The following SUZ12 variants were observed in gnomAD, a reference collection of about 807,000 sequenced individuals.
The protein encoded by SUZ12 is SUZ12 polycomb repressive complex 2 subunit.
A neutral mutation model predicts 87.3 loss-of-function variants in SUZ12; 17 were observed. The ratio of observed to expected loss-of-function variants is 0.19; its 90% CI spans 0.13 to 0.29. The LOEUF (loss-of-function observed/expected upper bound fraction) is 0.29. Ranked by LOEUF, SUZ12 falls within the 10% of genes least tolerant of loss-of-function variation. The probability of loss-of-function intolerance (pLI) is 1.00; values close to 1 mark genes in which losing one functional copy is unlikely to be tolerated. For synonymous variants in SUZ12, 253 were observed against 312.4 expected (o/e 0.81, Z 2.01); for missense variants, 526 against 912.2 (o/e 0.58, Z 5.45).
At chr17:31,974,316 C>T (rs1387491085) in intron 6 of SUZ12, among the ~76,000 whole-genome samples, 2 of 152,132 alleles carry the variant, frequency 1.3e-5, no homozygotes, top group Non-Finnish European at 2.9e-5. Flanking sequence ...GGGCAGATCA[C>T]GAGGTCAGGA....
At chr17:31,950,348 G>C (rs1357969434) in intron 4 of SUZ12, among the ~76,000 whole-genome samples, 1 of 152,184 alleles carries the variant, frequency 6.6e-6, no homozygotes, top group Non-Finnish European at 1.5e-5. Context: ...TATGATGCCA[G>C]CAATATAAAT....
intron 3 of SUZ12, among the ~76,000 whole-genome samples, chr17:31,946,690 G>C (rs1438586388): frequency 6.6e-6 from 1 of 152,176 alleles, no homozygotes; most frequent in Non-Finnish European, 1.5e-5. Context: ...GACTATATGA[G>C]TATAAAGAGA....
Position 31,998,913 on chromosome 17 carries a change from T to G in SUZ12, c.2130T>G (p.Asn710Lys). ...EITEEQNGTA[N>K]GFSEINSKEK... ...CTGAAGAACAAAATGGGACAGCAAA[T>G]GGATTTAGTGAAATTAACTCAAAAG... The change falls in exon 16 of 16, where the codon AAT becomes AAG. Residue 710 changes from asparagine to lysine, a missense_variant. Physicochemically the swap from Asn to Lys is moderately conservative, Grantham distance 94 (BLOSUM62 0). Transcript: ENST00000322652. 1 of 1,612,890 alleles carries G rather than the reference T, an allele frequency of 6.2e-7. No homozygotes were observed. The highest frequency in any genetic ancestry group is 2.2e-5 in the East Asian group (1 of 44,842).
intron 4 of SUZ12, among the ~76,000 whole-genome samples, chr17:31,950,818 C>T (rs1194828058): frequency 2.0e-5 from 3 of 151,742 alleles, no homozygotes; most frequent in Non-Finnish European, 4.4e-5. Flanking sequence ...CTCGCTCTGT[C>T]ACCGAGGCTG....
intron 4 of SUZ12, among the ~76,000 whole-genome samples, chr17:31,954,001 C>T (rs971641188): frequency 1.3e-4 from 19 of 150,328 alleles, no homozygotes; most frequent in South Asian, 2.1e-4. Flanking sequence ...TGTGAGCCAC[C>T]GAGCCCGGCT....
chr17:31,942,327 TTTTTG>T (rs1256379496), intron 3 of SUZ12, among the ~76,000 whole-genome samples: 5 of 152,010 alleles, frequency 3.3e-5, no homozygotes, highest in Admixed American at 2.6e-4. Flanking sequence ...TTTGGTTTTT[TTTTTG>T]TTTTGTTTTT....
chr17:31,967,775 A>C lies in SUZ12; in HGVS notation c.505+1579A>C, dbSNP rs1223433561. On this transcript the variant is annotated intron_variant, in intron 5 of 15. Coordinates refer to ENST00000322652, the MANE Select transcript of SUZ12 (RefSeq NM_015355.4). ...TAGGTACTTGGAAGTCCAAGATGGC[A>C]GGATGGCGTAAGCTCAGGAATTCAA... Among the ~76,000 whole-genome samples, 3 of 152,166 alleles carry C rather than the reference A, an allele frequency of 2.0e-5. No individual in the cohort carries two copies. In the East Asian group the frequency reaches 5.8e-4, roughly 29 times the overall value.
At chr17:31,976,951 C>T (rs568431720) in intron 8 of SUZ12, among the ~76,000 whole-genome samples, 1 of 152,126 alleles carries the variant, frequency 6.6e-6, no homozygotes, top group African/African-American at 2.4e-5. Context: ...CAGACCACCA[C>T]CCAAAAAATC....
intron 4 of SUZ12, among the ~76,000 whole-genome samples, chr17:31,953,716 T>C (rs1330799342): frequency 6.7e-6 from 1 of 149,808 alleles, no homozygotes; most frequent in African/African-American, 2.5e-5. Context: ...CCTCAATTTT[T>C]TTTTTTTTTT....
intron 10 of SUZ12, 53 bp downstream of exon 10, chr17:31,988,550 C>T (rs917670142): frequency 7.6e-6 from 11 of 1,446,218 alleles, no homozygotes; most frequent in Middle Eastern, 1.8e-4. Context: ...AGAGTTAGGT[C>T]TTGTGCTTTA....
chr17:31,947,476 T>C, intron 3 of SUZ12, 141 bp from the exon 4 acceptor site: 6 of 1,129,612 alleles, frequency 5.3e-6, no homozygotes, highest in South Asian at 4.4e-5. Flanking sequence ...TATTCATTGT[T>C]ATGGCTAATC....
chr17:31,975,979 CTCTTT>C (rs1455011164), intron 7 of SUZ12, among the ~76,000 whole-genome samples: 2 of 152,164 alleles, frequency 1.3e-5, no homozygotes, highest in Non-Finnish European at 2.9e-5. Flanking sequence ...CTGCCCATCC[CTCTTT>C]TCTTCCAACA....
chr17:31,950,905 C>T (rs1437639071), intron 4 of SUZ12, among the ~76,000 whole-genome samples: 7 of 152,038 alleles, frequency 4.6e-5, no homozygotes, highest in Admixed American at 1.3e-4. Context: ...CTCAGCCTCC[C>T]GAGTAGCTGG....
chr17:31,960,163 A>C (rs1439905125), intron 4 of SUZ12, among the ~76,000 whole-genome samples: 1 of 151,966 alleles, frequency 6.6e-6, no homozygotes, highest in Non-Finnish European at 1.5e-5. Context: ...GGAACAAACC[A>C]CCTATGGAAG....
chr17:31,999,942 T>C lies in SUZ12; in HGVS notation c.*939T>C, dbSNP rs963834731. ...AACCAGAAAACTGTTATGCCTTTTATTTGTTTGCAAGGATGTCTTTGTAAT... is the reference window on the plus strand; with the variant it reads ...AACCAGAAAACTGTTATGCCTTTTACTTGTTTGCAAGGATGTCTTTGTAAT... On this transcript the variant is annotated 3_prime_UTR_variant, in exon 16 of 16. Coordinates refer to ENST00000322652, the MANE Select transcript of SUZ12 (RefSeq NM_015355.4). The C allele has an allele frequency of 4.3e-6, 1 of 232,698 alleles. No individual in the cohort carries two copies. The highest frequency in any genetic ancestry group is 8.5e-6 in the Non-Finnish European group (1 of 117,798). The allele number at this position is 232,698 out of a possible 1,614,324, so 14.4% of individuals were successfully genotyped here.
Position 31,937,468 on chromosome 17 carries a change from G to T in SUZ12, c.222G>T (p.Pro74=). 6.5e-7 allele frequency: 1 copy of T among 1,541,078 alleles called. No homozygotes were observed. Residue 74 remains proline, a synonymous_variant, in exon 1 of 16, where the codon CCG becomes CCT. Coordinates refer to ENST00000322652, the MANE Select transcript of SUZ12 (RefSeq NM_015355.4). Reference sequence around the variant, plus strand: ...CTGCGGTGTTACCGGTGAAGAAGCCGAAAATGGAGCACGTCCAGGCTGACC... The same window carrying T: ...CTGCGGTGTTACCGGTGAAGAAGCCTAAAATGGAGCACGTCCAGGCTGACC... The part of the protein sequence containing the change: ...AGAAVLPVKK[P]KMEHVQADHE...
At position 31,999,289 on chromosome 17, in the gene SUZ12, A is replaced by AT; in HGVS notation, c.*288dup. The AT allele has an allele frequency of 3.8e-6, 1 of 259,778 alleles. No individual in the cohort carries two copies. 16.1% of individuals were successfully genotyped at this position (259,778 alleles called of 1,614,324 possible). On this transcript the variant is annotated 3_prime_UTR_variant, in exon 16 of 16. Transcript: ENST00000322652. The stretch of plus-strand genomic sequence containing the variant: ...CAACAAATGTCATCAAATATGTTGA[A>AT]TTGATCTAGAAATTATTTCATATAT...
At chr17:31,968,966 A>G (rs1908255298) in intron 5 of SUZ12, among the ~76,000 whole-genome samples, 1 of 152,184 alleles carries the variant, frequency 6.6e-6, no homozygotes, top group Non-Finnish European at 1.5e-5. Context: ...GAAGTAAAAG[A>G]GATAGTGAAC....
intron 9 of SUZ12, among the ~76,000 whole-genome samples, chr17:31,984,303 G>T (rs1378623091): frequency 5.3e-5 from 8 of 152,142 alleles, no homozygotes; most frequent in Admixed American, 2.6e-4. Flanking sequence ...GTGAGAAAGA[G>T]AAACTGTTCA....
Sources: gnomAD v4.1 joint callset for allele counts (sites outside exome capture counted in the v4.1 genomes callset) on GRCh38, gnomAD v4.1.1 for gene constraint, MANE v1.5 for transcripts, NCBI Gene and HGNC (gene_info 2026-07-23, HGNC 2026-07-21) for gene names.